Variants in FAM83F observed in about 807,000 individuals in gnomAD.
FAM83F encodes the protein scaffolding CK1 anchoring protein F, also known as protein FAM83F.
In FAM83F, 45 loss-of-function variants were observed where a neutral mutation model predicts 42.9. The observed-to-expected ratio is 1.05, with a 90% CI of 0.83 to 1.35. The LOEUF is 1.35. Among genes scored for constraint, FAM83F ranks in the 40% most tolerant of loss-of-function variants. The pLI is 0.00. For missense variants in FAM83F, 617 were observed against 695.9 expected (o/e 0.89, Z 1.28); for synonymous variants, 306 against 298.3 (o/e 1.03, Z -0.27).
chr22:40,021,251 G>C lies in FAM83F; in HGVS notation c.780-39G>C, dbSNP rs775799889. 6.6e-7 allele frequency: 1 copy of C among 1,517,112 alleles called. No individual in the cohort carries two copies. Among genetic ancestry groups the C allele is most frequent in the Non-Finnish European group, 8.8e-7 (1 of 1,130,410 alleles). 94.0% of individuals were successfully genotyped at this position (1,517,112 alleles called of 1,614,324 possible). A position where few individuals can be genotyped will look rare whatever the true frequency, so the allele number is the denominator to read the frequency against. On this transcript the variant is annotated intron_variant, in intron 3 of 4. Coordinates refer to ENST00000333407, the MANE Select transcript of FAM83F (RefSeq NM_138435.4). This position sits in a 1 kb window ranked among gnomAD's most constrained non-coding sequence, Gnocchi z 8.7. ...CGGGGGCAGGGCAAGAGAGAGGCCT[G>C]GGCACATGTGTCTTGCTTTTCTGTC...
Position 40,019,290 on chromosome 22 carries a change from C to T in FAM83F, c.612C>T (p.Phe204=), listed in dbSNP as rs1190198582. Residue 204 remains phenylalanine, a synonymous_variant, in exon 2 of 5, where the codon TTC becomes TTT. Coordinates refer to ENST00000333407, the MANE Select transcript of FAM83F (RefSeq NM_138435.4). ...IILDEAGVKY[F]LEMCQDLQLT... Reference sequence around the variant, plus strand: ...TGGACGAGGCAGGAGTGAAGTATTTCCTGGAGATGTGTCAGGACCTGCAGC... The same window carrying T: ...TGGACGAGGCAGGAGTGAAGTATTTTCTGGAGATGTGTCAGGACCTGCAGC... The T allele has an allele frequency of 1.2e-6, 2 of 1,614,118 alleles. No individual in the cohort carries two copies. Among genetic ancestry groups the T allele is most frequent in the Non-Finnish European group, 8.5e-7 (1 of 1,180,026 alleles).
In FAM83F at chr22:40,042,321, C is replaced by CA. The variant is rs1219369649; in HGVS notation, c.*12759dup. 1 of 152,194 alleles carries CA rather than the reference C, an allele frequency of 6.6e-6. No homozygotes were observed. Among genetic ancestry groups the CA allele is most frequent in the Non-Finnish European group, 1.5e-5 (1 of 68,034 alleles). The allele number at this position is 152,194 out of a possible 1,614,324, so 9.4% of individuals were successfully genotyped here. On this transcript the variant is annotated 3_prime_UTR_variant, in exon 5 of 5. Transcript: ENST00000333407. ...GACAAATTGCTGAGGCCTTTATGGA[C>CA]AAAGATTCTAAGAAGAACAGGCTTT...
In FAM83F at chr22:40,021,815, C is replaced by T. The variant is rs778852997; in HGVS notation, c.1305C>T (p.Ala435=). The T allele has an allele frequency of 2.7e-5, 43 of 1,612,536 alleles. No individual in the cohort carries two copies. The highest frequency in any genetic ancestry group is 1.1e-4 in the African/African-American group (8 of 74,928). Residue 435 remains alanine, a synonymous_variant, in exon 4 of 5, where the codon GCC becomes GCT. Coordinates refer to ENST00000333407, the MANE Select transcript of FAM83F (RefSeq NM_138435.4). This position sits in a 1 kb window ranked among gnomAD's most constrained non-coding sequence, Gnocchi z 8.7. Reference sequence around the variant, plus strand: ...CGGCCCGGGGGGAGGCCGCCCCCGCCAGGCGCTTCAGCAGCAGGCTCTTCA... The same window carrying T: ...CGGCCCGGGGGGAGGCCGCCCCCGCTAGGCGCTTCAGCAGCAGGCTCTTCA... The part of the protein sequence containing the change: ...GEAARGEAAP[A]RRFSSRLFSR...
At position 40,042,155 on chromosome 22, in the gene FAM83F, CCTGGCCTCAATGTTA is replaced by C; in HGVS notation, c.*12593_*12607del. 6.6e-6 allele frequency: 1 copy of C among 152,258 alleles called. No homozygotes were observed. Among genetic ancestry groups the C allele is most frequent in the East Asian group, 1.9e-4 (1 of 5,182 alleles). The allele number at this position is 152,258 out of a possible 1,614,324, so 9.4% of individuals were successfully genotyped here. A position where few individuals can be genotyped will look rare whatever the true frequency, so the allele number is the denominator to read the frequency against. ...GGGATTACAAGCATAAGCCAATGTGCCTGGCCTCAATGTTACTTTTATGATCAGAAAAACGGCCAT... is the reference window on the plus strand; with the variant it reads ...GGGATTACAAGCATAAGCCAATGTGCCTTTTATGATCAGAAAAACGGCCAT... On this transcript the variant is annotated 3_prime_UTR_variant, in exon 5 of 5. Coordinates refer to ENST00000333407, the MANE Select transcript of FAM83F (RefSeq NM_138435.4).
chr22:40,026,854 G>A (rs529415087), intron 4 of FAM83F, among the ~76,000 whole-genome samples: 2 of 152,298 alleles, frequency 1.3e-5, no homozygotes, highest in South Asian at 4.1e-4. Flanking sequence ...GTTCTCCTGT[G>A]TCATCCCTTG....
rs537137430 is a variant in FAM83F, at chr22:40,001,389, A to G, written c.489+5858A>G. Among the ~76,000 whole-genome samples, 17 of 152,294 alleles carry G rather than the reference A, an allele frequency of 1.1e-4. No homozygotes were observed. The East Asian group carries it at 3.3e-3, about 29-fold the overall frequency. ...GTGGGGCATGGCGGCTCATGTCCCCAGCACTTTGGGAGGCCGAGGCGGGCA... is the reference window on the plus strand; with the variant it reads ...GTGGGGCATGGCGGCTCATGTCCCCGGCACTTTGGGAGGCCGAGGCGGGCA... On this transcript the variant is annotated intron_variant, in intron 1 of 4. Transcript: ENST00000333407.
rs2067655754 is a variant in FAM83F, at chr22:40,042,431, A to C, written c.*12866A>C. On this transcript the variant is annotated 3_prime_UTR_variant, in exon 5 of 5. Coordinates refer to ENST00000333407, the MANE Select transcript of FAM83F (RefSeq NM_138435.4). ...ACCACACATCACCAGTCTCTTGCCT[A>C]GCTAACCGTAACTCATTCTTTAGTT... The C allele has an allele frequency of 6.6e-6, 1 of 152,210 alleles. No homozygotes were observed. Among genetic ancestry groups the C allele is most frequent in the Non-Finnish European group, 1.5e-5 (1 of 68,056 alleles). 9.4% of individuals were successfully genotyped at this position (152,210 alleles called of 1,614,324 possible).
intron 1 of FAM83F, among the ~76,000 whole-genome samples, chr22:40,006,587 T>C (rs999626555): frequency 2.6e-5 from 4 of 152,174 alleles, no homozygotes; most frequent in African/African-American, 9.7e-5. Context: ...AGAGTGACTG[T>C]GTGAGTTAAG....
In FAM83F at chr22:40,021,918, C is replaced by T. The variant is rs768553111; in HGVS notation, c.1408C>T (p.Leu470=). Residue 470 remains leucine (L), a synonymous_variant, in exon 4 of 5, where the codon CTG becomes TTG. Transcript: ENST00000333407. This position sits in a 1 kb window ranked among gnomAD's most constrained non-coding sequence, Gnocchi z 8.7. ...VSTETSEVEF[L]TGKRPNENSS... is the part of the protein sequence containing the mutation. ...CACCGAGACCTCTGAAGTGGAGTTTCTGACGGGGAAGAGGCCCAACGAGAA... is the reference window on the plus strand; with the variant it reads ...CACCGAGACCTCTGAAGTGGAGTTTTTGACGGGGAAGAGGCCCAACGAGAA... The T allele has an allele frequency of 6.3e-7, 1 of 1,584,738 alleles. No individual in the cohort carries two copies. The highest frequency in any genetic ancestry group is 1.8e-5 in the Admixed American group (1 of 56,140).
rs1569239926 is a variant in FAM83F at position 40,039,675 on chromosome 22, G to A, written c.*10110G>A. On this transcript the variant is annotated 3_prime_UTR_variant, in exon 5 of 5. Coordinates refer to ENST00000333407, the MANE Select transcript of FAM83F (RefSeq NM_138435.4). ...CACGCCCCCAGAGACAACATAAGGA[G>A]AGAAGTGCAGACAGATTCCTTTGAA... is the stretch of plus-strand genomic sequence containing the variant. The A allele has an allele frequency of 6.6e-6, 1 of 152,276 alleles. No homozygotes were observed. Among genetic ancestry groups the A allele is most frequent in the East Asian group, 1.9e-4 (1 of 5,198 alleles). The allele number at this position is 152,276 out of a possible 1,614,324, so 9.4% of individuals were successfully genotyped here. A position where few individuals can be genotyped will look rare whatever the true frequency, so the allele number is the denominator to read the frequency against.
At chr22:40,018,640 T>C (rs1440666545) in intron 1 of FAM83F, among the ~76,000 whole-genome samples, 1 of 150,594 alleles carries the variant, frequency 6.6e-6, no homozygotes, top group Non-Finnish European at 1.5e-5. Flanking sequence ...TTGCCCTGGC[T>C]GGAGTGCAAC....
In FAM83F at chr22:40,023,040, G is replaced by T. The variant is rs1488504389; in HGVS notation, c.1453+1077G>T. Reference sequence around the variant, plus strand: ...TCTTGGAGTTGGAACAGGCCTGGGCGCCTCTGTGGCTGTGGGCACAGTGGG... The same window carrying T: ...TCTTGGAGTTGGAACAGGCCTGGGCTCCTCTGTGGCTGTGGGCACAGTGGG... On this transcript the variant is annotated intron_variant, in intron 4 of 4. Coordinates refer to ENST00000333407, the MANE Select transcript of FAM83F (RefSeq NM_138435.4). The surrounding 1 kb of genome is among the most constrained non-coding windows in gnomAD (Gnocchi z 4.1). Among the ~76,000 whole-genome samples, 1 of 152,222 alleles carries T rather than the reference G, an allele frequency of 6.6e-6. No individual in the cohort carries two copies. Among genetic ancestry groups the T allele is most frequent in the African/African-American group, 2.4e-5 (1 of 41,458 alleles).
chr22:40,007,434 CCTCCT>C (rs1458475109), intron 1 of FAM83F, among the ~76,000 whole-genome samples: 7 of 14,708 alleles, frequency 4.8e-4, no homozygotes, highest in African/African-American at 2.0e-3. Context: ...CCTCTCCTCT[CCTCCT>C]CTCCTCTCCT....
intron 1 of FAM83F, among the ~76,000 whole-genome samples, chr22:40,011,773 T>A (rs1184961368): frequency 6.6e-6 from 1 of 152,232 alleles, no homozygotes; most frequent in African/African-American, 2.4e-5. Flanking sequence ...GAAATAGACA[T>A]CTAAGTCATT....
intron 1 of FAM83F, among the ~76,000 whole-genome samples, chr22:40,018,236 G>T (rs992352905): frequency 3.9e-5 from 6 of 152,212 alleles, no homozygotes; most frequent in Non-Finnish European, 8.8e-5. Flanking sequence ...GCCTGGGGAA[G>T]CACAGAGCTT....
chr22:40,023,829 C>T lies in FAM83F; in HGVS notation c.1453+1866C>T, dbSNP rs1006342674. On this transcript the variant is annotated intron_variant, in intron 4 of 4. Coordinates refer to ENST00000333407, the MANE Select transcript of FAM83F (RefSeq NM_138435.4). This position sits in a 1 kb window ranked among gnomAD's most constrained non-coding sequence, Gnocchi z 4.1. ...GAGGGCACGGACAGCCAGGAAGGTC[C>T]GGGGATGCCCGGAACCATCATCCCG... Among the ~76,000 whole-genome samples, 10 of 152,108 alleles carry T rather than the reference C, an allele frequency of 6.6e-5. No individual in the cohort carries two copies. Among genetic ancestry groups the T allele is most frequent in the East Asian group, 5.8e-4 (3 of 5,176 alleles).
At position 40,029,613 on chromosome 22, in the gene FAM83F, C is replaced by T. The variant is rs1569237398; in HGVS notation, c.*48C>T. ...GACGTGTGGATGCCTGCCTGCCCTG[C>T]CCTGTGCTGTGGAGAGCGCAGGTCG... is the stretch of plus-strand genomic sequence containing the variant. On this transcript the variant is annotated 3_prime_UTR_variant, in exon 5 of 5. Coordinates refer to ENST00000333407, the MANE Select transcript of FAM83F (RefSeq NM_138435.4). The T allele has an allele frequency of 1.3e-6, 2 of 1,595,766 alleles. No individual in the cohort carries two copies. Among genetic ancestry groups the T allele is most frequent in the Non-Finnish European group, 1.7e-6 (2 of 1,170,622 alleles).
In FAM83F at chr22:40,043,234, G is replaced by A. The variant is rs1034305843; in HGVS notation, c.*13669G>A. On this transcript the variant is annotated 3_prime_UTR_variant, in exon 5 of 5. Coordinates refer to ENST00000333407, the MANE Select transcript of FAM83F (RefSeq NM_138435.4). ...GGCGGTGATCCCACTGAAGCTACAGGGGATGGGGATTTGGGACGGTAAAAT... is the reference window on the plus strand; with the variant it reads ...GGCGGTGATCCCACTGAAGCTACAGAGGATGGGGATTTGGGACGGTAAAAT... The A allele has an allele frequency of 2.6e-5, 4 of 152,220 alleles. No individual in the cohort carries two copies. Among genetic ancestry groups the A allele is most frequent in the Non-Finnish European group, 5.9e-5 (4 of 68,048 alleles). The allele number at this position is 152,220 out of a possible 1,614,324, so 9.4% of individuals were successfully genotyped here.
chr22:40,021,356 GC>G lies in FAM83F; in HGVS notation c.849del (p.Phe284LeufsTer21). On this transcript the variant is annotated frameshift_variant, in exon 4 of 5. Transcript: ENST00000333407. LOFTEE classifies it high-confidence loss of function. This position sits in a 1 kb window ranked among gnomAD's most constrained non-coding sequence, Gnocchi z 8.7. ...LLLLTGQNVE[P>X]FDTEFRELYA... is the part of the protein sequence containing the mutation. Reference sequence around the variant, plus strand: ...TGCTCCTGACAGGACAGAACGTAGAGCCCTTTGACACGGAGTTCCGGGAGCT... The same window carrying G: ...TGCTCCTGACAGGACAGAACGTAGAGCCTTTGACACGGAGTTCCGGGAGCT... 6.2e-7 allele frequency: 1 copy of G among 1,609,118 alleles called. No individual in the cohort carries two copies. The highest frequency in any genetic ancestry group is 1.3e-5 in the African/African-American group (1 of 74,956).
Sources: allele counts gnomAD v4.1 joint callset (sites outside exome capture counted in the v4.1 genomes callset), GRCh38; gene constraint gnomAD v4.1.1; non-coding constraint Gnocchi (gnomAD v3.1); transcripts MANE v1.5; gene names NCBI Gene and HGNC (gene_info 2026-07-23, HGNC 2026-07-21).